Variants in RBBP7 observed in about 807,000 individuals in gnomAD.
RBBP7 encodes RB binding protein 7, chromatin remodeling factor, also known as histone-binding protein RBBP7.
A neutral mutation model predicts 35.2 loss-of-function variants in RBBP7; 5 were observed. The ratio of observed to expected loss-of-function variants is 0.14; its 90% CI spans 0.07 to 0.30. The LOEUF (loss-of-function observed/expected upper bound fraction) is 0.30. Among genes scored for constraint, RBBP7 ranks in the 10% least tolerant of loss-of-function variants. RBBP7 has a pLI of 1.00. For synonymous variants in RBBP7, 140 were observed against 118.7 expected (o/e 1.18, Z -1.17); for missense variants, 155 against 327.5 (o/e 0.47, Z 4.07).
intron 3 of RBBP7, among the ~76,000 whole-genome samples, chrX:16,860,685 GAA>G (rs1316799740): frequency 4.8e-5 from 3 of 62,329 alleles, no homozygotes; most frequent in African/African-American, 1.7e-4. Flanking sequence ...AAAAAAAAAA[GAA>G]AAAAAAAAAG....
rs746597238 is a variant in RBBP7, at chrX:16,845,030, T to C, written c.*5A>G. 9.2e-6 allele frequency: 11 copies of C among 1,197,273 alleles called. No individual in the cohort carries two copies. The highest frequency in any genetic ancestry group is 1.2e-5 in the Non-Finnish European group (11 of 884,410). ...TTCAACAGAAACATTTCTCGTACTTTGGGTTTAAGATCCTTGTCCCTCCAG... is the reference window on the plus strand; with the variant it reads ...TTCAACAGAAACATTTCTCGTACTTCGGGTTTAAGATCCTTGTCCCTCCAG... On this transcript the variant is annotated 3_prime_UTR_variant, in exon 12 of 12. Transcript: ENST00000380087.
chrX:16,855,995 CAAAAAAAA>C (rs754398259), intron 5 of RBBP7, among the ~76,000 whole-genome samples: 1,761 of 15,964 alleles, frequency 0.11, 89 homozygotes, highest in African/African-American at 0.28. Flanking sequence ...GACCTTGTCT[CAAAAAAAA>C]AAAAAAAAAA....
At chrX:16,849,187 G>T in intron 10 of RBBP7, 57 bp downstream of exon 10, 1 of 1,100,145 alleles carries the variant, frequency 9.1e-7, no homozygotes, top group Non-Finnish European at 1.2e-6. Flanking sequence ...GAAATAAAGA[G>T]ATCAATGACA....
intron 2 of RBBP7, 74 bp from the exon 3 acceptor site, chrX:16,863,174 C>T (rs1930517032): frequency 1.0e-6 from 1 of 978,213 alleles, no homozygotes; most frequent in Non-Finnish European, 1.4e-6. Context: ...AGTCTAGTTC[C>T]CTCAAAATAC....
In RBBP7 at chrX:16,866,721, T is replaced by A. The variant is rs191657207; in HGVS notation, c.161+2355A>T. On this transcript the variant is annotated intron_variant, in intron 2 of 11. Transcript: ENST00000380087. Reference sequence around the variant, plus strand: ...GAAAGGCCTATGAGGTGGAGTAGGATCTTGTTCCTCAGAGTCAGGCATTGA... The same window carrying A: ...GAAAGGCCTATGAGGTGGAGTAGGAACTTGTTCCTCAGAGTCAGGCATTGA... Among the ~76,000 whole-genome samples the A allele has an allele frequency of 3.6e-5, 4 of 109,963 alleles. No homozygotes were observed. The East Asian group carries it at 1.1e-3, about 31-fold the overall frequency.
chrX:16,852,221 T>TTA, intron 8 of RBBP7, 99 bp from the exon 9 acceptor site: 1 of 778,613 alleles, frequency 1.3e-6, no homozygotes, highest in Non-Finnish European at 1.9e-6. Flanking sequence ...TGCACTCTAT[T>TTA]ATCTTATCCT....
chrX:16,845,540 A>T (rs1930051508), intron 11 of RBBP7, among the ~76,000 whole-genome samples: 1 of 112,020 alleles, frequency 8.9e-6, no homozygotes, highest in Non-Finnish European at 1.9e-5. Context: ...CTGGAGACAG[A>T]GTAGCGACGC....
chrX:16,870,020 C>G lies in RBBP7; in HGVS notation c.16+18G>C. 1 of 879,409 alleles carries G rather than the reference C, an allele frequency of 1.1e-6. No individual in the cohort carries two copies. Among genetic ancestry groups the G allele is most frequent in the Non-Finnish European group, 1.4e-6 (1 of 707,551 alleles). 72.5% of individuals were successfully genotyped at this position (879,409 alleles called of 1,213,427 possible). On this transcript the variant is annotated intron_variant, in intron 1 of 11. Transcript: ENST00000380087. ...CCCCCCGCGGCCCCGGCGCGCGCCG[C>G]CCCGCAGGGCCTCTTACTCTCTTTA...
chrX:16,853,627 T>A, intron 6 of RBBP7, 55 bp downstream of exon 6: 1 of 1,032,631 alleles, frequency 9.7e-7, no homozygotes, highest in South Asian at 2.8e-5. Flanking sequence ...CAGCAATCAC[T>A]GATGGTCATT....
At chrX:16,865,228 CA>C (rs1930585781) in intron 2 of RBBP7, among the ~76,000 whole-genome samples, 1 of 109,861 alleles carries the variant, frequency 9.1e-6, no homozygotes, top group Non-Finnish European at 1.9e-5. Flanking sequence ...CCACAAAAAA[CA>C]AAAAACACAA....
intron 8 of RBBP7, 181 bp downstream of exon 8, chrX:16,852,370 T>C (rs1171151250): frequency 1.7e-6 from 1 of 579,825 alleles, no homozygotes; most frequent in African/African-American, 2.3e-5. Context: ...TTCGACCCCA[T>C]AACCATCCCA....
rs767191266 is a variant in RBBP7 at position 16,861,540 on chromosome X, T to C, written c.307+1415A>G. Among the ~76,000 whole-genome samples, 22 of 111,480 alleles carry C rather than the reference T, an allele frequency of 2.0e-4. 1 individual carries two copies. Among genetic ancestry groups the C allele is most frequent in the Non-Finnish European group, 3.4e-4 (18 of 53,011 alleles). ...TAATTTTATTTTTTGATAGAGACAA[T>C]GTCTCACTGTGTGCCCTGAGTGGTC... On this transcript the variant is annotated intron_variant, in intron 3 of 11. Transcript: ENST00000380087.
intron 1 of RBBP7, chrX:16,869,761 C>A: frequency 2.1e-6 from 2 of 960,772 alleles, no homozygotes; most frequent in Non-Finnish European, 2.6e-6. Context: ...GCCTCCGCCC[C>A]GGGGCCGAGG....
chrX:16,851,949 G>T (rs982504976), intron 9 of RBBP7, 97 bp downstream of exon 9: 1 of 662,768 alleles, frequency 1.5e-6, no homozygotes. Context: ...TTTCTTGAAG[G>T]GGGGATTACC....
intron 2 of RBBP7, among the ~76,000 whole-genome samples, chrX:16,867,579 A>G (rs764177845): frequency 3.5e-3 from 393 of 111,780 alleles, no homozygotes; most frequent in Non-Finnish European, 6.1e-3. Flanking sequence ...TGGGAAGCCT[A>G]GTGGAAATTC....
intron 6 of RBBP7, chrX:16,853,154 A>G: frequency 6.5e-6 from 2 of 306,222 alleles, no homozygotes; most frequent in Non-Finnish European, 1.1e-5. Context: ...GTAGAGAATA[A>G]TGTCACAATC....
At chrX:16,852,520 G>C in intron 8 of RBBP7, 31 bp downstream of exon 8, 1 of 1,186,038 alleles carries the variant, frequency 8.4e-7, no homozygotes, top group Non-Finnish European at 1.1e-6. Flanking sequence ...TTCATTTCCT[G>C]ACATACAGAC....
intron 9 of RBBP7, among the ~76,000 whole-genome samples, chrX:16,851,275 T>C: frequency 8.9e-6 from 1 of 112,020 alleles, no homozygotes; most frequent in Non-Finnish European, 1.9e-5. Flanking sequence ...TCCAAGTATT[T>C]TGGATAAGGG....
intron 9 of RBBP7, among the ~76,000 whole-genome samples, chrX:16,850,309 T>A (rs1930182454): frequency 8.9e-6 from 1 of 112,899 alleles, no homozygotes; most frequent in South Asian, 3.6e-4. Context: ...AGTACTGGGA[T>A]TATAGACATG....
Sources: gnomAD v4.1 joint callset for allele counts (sites outside exome capture counted in the v4.1 genomes callset) on GRCh38, gnomAD v4.1.1 for gene constraint, MANE v1.5 for transcripts, NCBI Gene and HGNC (gene_info 2026-07-23, HGNC 2026-07-21) for gene names.